The following HOXA3 variants were observed in gnomAD, a reference collection of about 807,000 sequenced individuals.
HOXA3 encodes homeobox protein Hox-A3.
HOXA3 carries 8 observed loss-of-function variants against 30.3 expected under a neutral mutation model. The ratio of observed to expected loss-of-function variants is 0.26; its 90% CI spans 0.15 to 0.48. The LOEUF (loss-of-function observed/expected upper bound fraction) is 0.48, where lower values mean the gene tolerates loss of function less well. Ranked by LOEUF, HOXA3 falls within the 20% of genes least tolerant of loss-of-function variation. HOXA3 has a pLI of 0.99. For missense variants in HOXA3, 653 were observed against 614.4 expected (o/e 1.06, Z -0.66); for synonymous variants, 323 against 273.1 (o/e 1.18, Z -1.80).
intron 1 of HOXA3, among the ~76,000 whole-genome samples, chr7:27,146,824 C>G (rs890310269): frequency 6.6e-6 from 1 of 152,232 alleles, no homozygotes; most frequent in Admixed American, 6.5e-5. Flanking sequence ...GGCTGTGGCC[C>G]TCCAAGGCTT....
At chr7:27,119,714 C>G (rs1784910991) in intron 4 of HOXA3, 1 of 152,190 alleles carries the variant, frequency 6.6e-6, no homozygotes, top group African/African-American at 2.4e-5. Context: ...CTTCACTCCT[C>G]CCCTGCAGAG....
chr7:27,135,119 A>G, intron 2 of HOXA3, among the ~76,000 whole-genome samples: 1 of 151,110 alleles, frequency 6.6e-6, no homozygotes. Context: ...TCCTTAATAC[A>G]CTATTCTCTT....
intron 4 of HOXA3, among the ~76,000 whole-genome samples, chr7:27,111,672 C>A (rs1020002218): frequency 2.6e-5 from 4 of 152,084 alleles, no homozygotes; most frequent in Admixed American, 6.5e-5. Context: ...GTTCCCAGAA[C>A]CTCCTGTCTT....
chr7:27,130,529 G>T (rs1206271886), intron 2 of HOXA3: 1 of 1,356,254 alleles, frequency 7.4e-7, no homozygotes, highest in Admixed American at 3.2e-5. Flanking sequence ...GAGGCAGTGG[G>T]CTCTCGGCCG....
chr7:27,146,592 G>A (rs1416200386), intron 1 of HOXA3, among the ~76,000 whole-genome samples: 1 of 152,214 alleles, frequency 6.6e-6, no homozygotes, highest in Non-Finnish European at 1.5e-5. Context: ...CAGAGGCTAA[G>A]AGATGGAGCT....
chr7:27,132,516 T>C lies in HOXA3; in HGVS notation c.-389-5446A>G, dbSNP rs1219874755. ...GATCATATTAGCTTTCTAACTGGAA[T>C]CACCCTGAAGAGGTACAAAGAGATT... On this transcript the variant is annotated intron_variant, in intron 2 of 5. Coordinates refer to ENST00000612286, the MANE Select transcript of HOXA3 (RefSeq NM_153631.3). Among the ~76,000 whole-genome samples, 2 of 152,220 alleles carry C rather than the reference T, an allele frequency of 1.3e-5. 1 individual carries two copies. The highest frequency in any genetic ancestry group is 3.8e-4 in the East Asian group (2 of 5,200).
At chr7:27,119,096 T>G (rs749041977) in intron 4 of HOXA3, among the ~76,000 whole-genome samples, 1 of 151,610 alleles carries the variant, frequency 6.6e-6, no homozygotes, top group Non-Finnish European at 1.5e-5. Flanking sequence ...GAATTATAAG[T>G]TTCTAAACAT....
Position 27,111,755 on chromosome 7 carries a change from GA to G in HOXA3, c.-120-996del, listed in dbSNP as rs374102009. ...GTTAAAACATGATGGATTAGAGGGG[GA>G]AAAAAAACCCCTCCAGGAACCTGAA... On this transcript the variant is annotated intron_variant, in intron 4 of 5. Transcript: ENST00000612286. Among the ~76,000 whole-genome samples, 119 of 151,596 alleles carry G rather than the reference GA, an allele frequency of 7.8e-4. 1 individual carries two copies. In the South Asian group the frequency reaches 0.02, roughly 26 times the overall value.
At chr7:27,143,515 G>C (rs1175219904) in intron 1 of HOXA3, 6 of 1,613,754 alleles carry the variant, frequency 3.7e-6, no homozygotes, top group Non-Finnish European at 5.1e-6. Context: ...TGAATTGCTC[G>C]CTCACGGAAC....
At chr7:27,126,442 TA>T (rs35599450) in intron 3 of HOXA3, among the ~76,000 whole-genome samples, 7,606 of 142,524 alleles carry the variant, frequency 0.053, 274 homozygotes, top group African/African-American at 0.1. Context: ...AGGGTTTGCT[TA>T]AAAAAAAAAA....
intron 2 of HOXA3, chr7:27,130,590 G>T (rs1320346649): frequency 1.3e-6 from 2 of 1,518,414 alleles, no homozygotes. Flanking sequence ...GCTGGGTCGG[G>T]GGCGCTGGGG....
intron 1 of HOXA3, among the ~76,000 whole-genome samples, chr7:27,140,730 T>C (rs1251834345): frequency 2.0e-5 from 3 of 150,214 alleles, no homozygotes; most frequent in Non-Finnish European, 4.4e-5. Context: ...CTGTGTGGCC[T>C]GAGGGCGGCT....
chr7:27,141,345 C>T (rs1782562501), intron 1 of HOXA3: 1 of 155,976 alleles, frequency 6.4e-6, no homozygotes, highest in Non-Finnish European at 1.4e-5. Flanking sequence ...AGTTGTGTCT[C>T]ATCAAGTCAC....
intron 4 of HOXA3, among the ~76,000 whole-genome samples, chr7:27,120,416 C>G (rs1216594892): frequency 6.6e-6 from 1 of 151,856 alleles, no homozygotes; most frequent in African/African-American, 2.4e-5. Flanking sequence ...TGGTGCATGC[C>G]TGTAATCCCA....
Position 27,108,583 on chromosome 7 carries a change from C to T in HOXA3, c.664G>A (p.Val222Met). 3 of 1,614,180 alleles carry T rather than the reference C, an allele frequency of 1.9e-6. No individual in the cohort carries two copies. The highest frequency in any genetic ancestry group is 2.5e-6 in the Non-Finnish European group (3 of 1,180,008). Residue 222 changes from valine (V) to methionine (M), a missense_variant, in exon 6 of 6, where the codon GTG (valine) becomes ATG (methionine). Physicochemically the swap from Val to Met is conservative, Grantham distance 21. Transcript: ENST00000612286. The surrounding 1 kb of genome is among the most constrained non-coding windows in gnomAD (Gnocchi z 5.0). The stretch of plus-strand genomic sequence containing the variant: ...AGGTTCAGCAGATTGGCCATCTCCA[C>T]CCGGCGCGGCCGGCACAGGTAGCGG... ...FNRYLCRPRRVEMANLLNLTE... is the reference protein window; with the variant it reads ...FNRYLCRPRRMEMANLLNLTE...
chr7:27,110,581 T>C lies in HOXA3; in HGVS notation c.60A>G (p.Ala20=). 1 of 1,607,384 alleles carries C rather than the reference T, an allele frequency of 6.2e-7. No homozygotes were observed. Among genetic ancestry groups the C allele is most frequent in the Admixed American group, 1.7e-5 (1 of 59,912 alleles). ...TGGCATTATAAGCGAACCCGTTGGC[T>C]GCCTGGTAGGGGTAGCCACCGTAGA... ...SAIYGGYPYQ[A]ANGFAYNANQ... Residue 20 remains alanine (A), a synonymous_variant, in exon 5 of 6, where the codon GCA becomes GCG. Transcript: ENST00000612286.
chr7:27,144,273 G>C (rs775642252), intron 1 of HOXA3, among the ~76,000 whole-genome samples: 1 of 152,140 alleles, frequency 6.6e-6, no homozygotes, highest in Non-Finnish European at 1.5e-5. Flanking sequence ...TAGCCAATTG[G>C]AGAAATAAAT....
At chr7:27,148,974 C>A (rs944266935) in intron 1 of HOXA3, among the ~76,000 whole-genome samples, 3 of 152,260 alleles carry the variant, frequency 2.0e-5, no homozygotes, top group African/African-American at 7.2e-5. Context: ...CTCTTTACTG[C>A]CCTTCCTGGG....
intron 1 of HOXA3, chr7:27,149,942 A>G (rs12666926): frequency 0.84 from 128,325 of 152,160 alleles, 54,320 homozygotes; most frequent in Middle Eastern, 0.9. Context: ...GTGGTGGGTC[A>G]GTGTCAATTT....
Sources: gnomAD v4.1 joint callset for allele counts (sites outside exome capture counted in the v4.1 genomes callset) on GRCh38, gnomAD v4.1.1 for gene constraint, Gnocchi (gnomAD v3.1) non-coding constraint, MANE v1.5 for transcripts, NCBI Gene and HGNC (gene_info 2026-07-23, HGNC 2026-07-21) for gene names.